The following PPP2R2B variants were observed in gnomAD, a reference collection of about 807,000 sequenced individuals.
The protein encoded by PPP2R2B is protein phosphatase 2 regulatory subunit Bbeta.
Under a neutral mutation model 46.0 loss-of-function variants are expected in PPP2R2B, and 5 were observed. That is an observed-to-expected ratio of 0.11 (90% CI 0.06 to 0.23). The LOEUF (loss-of-function observed/expected upper bound fraction) is 0.23, where lower values mean the gene tolerates loss of function less well. PPP2R2B is among the 10% of genes least tolerant of loss of function. The probability of loss-of-function intolerance (pLI) is 1.00; values close to 1 mark genes in which losing one functional copy is unlikely to be tolerated. For missense variants in PPP2R2B, 367 were observed against 575.0 expected (o/e 0.64, Z 3.70); for synonymous variants, 215 against 206.7 (o/e 1.04, Z -0.34).
intron 7 of PPP2R2B, among the ~76,000 whole-genome samples, chr5:146,605,567 T>C (rs1772185819): frequency 6.6e-6 from 1 of 152,224 alleles, no homozygotes; most frequent in African/African-American, 2.4e-5. Context: ...CATTATAGAA[T>C]GTTCAGCAAC....
At chr5:146,838,478 G>A (rs1162891927) in intron 2 of PPP2R2B, among the ~76,000 whole-genome samples, 1 of 151,694 alleles carries the variant, frequency 6.6e-6, no homozygotes, top group African/African-American at 2.4e-5. Context: ...GGCTGAGGCA[G>A]GAGAATCACT....
intron 5 of PPP2R2B, among the ~76,000 whole-genome samples, chr5:146,678,561 G>C (rs1432869472): frequency 7.5e-6 from 1 of 133,072 alleles, no homozygotes; most frequent in Non-Finnish European, 1.5e-5. Flanking sequence ...GGCAGGAGAA[G>C]GAAATAAAGG....
At chr5:146,636,684 A>AAT (rs1463276530) in intron 7 of PPP2R2B, among the ~76,000 whole-genome samples, 1 of 152,230 alleles carries the variant, frequency 6.6e-6, no homozygotes, top group Non-Finnish European at 1.5e-5. Context: ...GACTCTGGGT[A>AAT]TAATATAAGT....
intron 1 of PPP2R2B, among the ~76,000 whole-genome samples, chr5:146,992,645 G>A (rs1281871297): frequency 6.6e-6 from 1 of 152,206 alleles, no homozygotes; most frequent in Admixed American, 6.5e-5. Context: ...TCATCCTCAT[G>A]TGGTTTACAC....
At chr5:146,709,373 A>G (rs941603343) in intron 2 of PPP2R2B, among the ~76,000 whole-genome samples, 4 of 151,528 alleles carry the variant, frequency 2.6e-5, no homozygotes, top group Non-Finnish European at 4.4e-5. Context: ...TTGGTTGGCT[A>G]CTCCTACTCA....
intron 9 of PPP2R2B, chr5:146,592,126 G>A: frequency 2.2e-6 from 1 of 445,646 alleles, no homozygotes; most frequent in South Asian, 1.6e-5. Context: ...CAGTTGCTTT[G>A]CTCTCTGTCC....
At chr5:146,984,031 C>T (rs1475999951) in intron 1 of PPP2R2B, among the ~76,000 whole-genome samples, 1 of 151,982 alleles carries the variant, frequency 6.6e-6, no homozygotes, top group Non-Finnish European at 1.5e-5. Context: ...CAATATAGAA[C>T]AATTAAATCA....
chr5:146,789,900 G>C (rs546624037), intron 2 of PPP2R2B, among the ~76,000 whole-genome samples: 1 of 152,288 alleles, frequency 6.6e-6, no homozygotes, highest in African/African-American at 2.4e-5. Flanking sequence ...AGATGGTCAG[G>C]CAGGCAGGGG....
At chr5:146,882,804 G>C (rs1041644912), upstream of PPP2R2B, among the ~76,000 whole-genome samples, 3 of 152,216 alleles carry the variant, frequency 2.0e-5, no homozygotes, top group Non-Finnish European at 4.4e-5. Flanking sequence ...AGTCTTCAAA[G>C]GGGGCAGCAG....
chr5:147,080,881 T>C (rs1757950290), intron 2 of PPP2R2B, among the ~76,000 whole-genome samples: 1 of 151,946 alleles, frequency 6.6e-6, no homozygotes, highest in African/African-American at 2.4e-5. Context: ...ATAAAATAAA[T>C]TTCAACAGAA....
chr5:146,827,536 T>G (rs1758657307), intron 2 of PPP2R2B, among the ~76,000 whole-genome samples: 1 of 152,214 alleles, frequency 6.6e-6, no homozygotes, highest in Non-Finnish European at 1.5e-5. Context: ...CAAGCTGCCT[T>G]AACTCCATTT....
At chr5:146,736,661 A>T (rs1327272014) in intron 2 of PPP2R2B, among the ~76,000 whole-genome samples, 1 of 152,142 alleles carries the variant, frequency 6.6e-6, no homozygotes, top group Non-Finnish European at 1.5e-5. Flanking sequence ...AGGTGTGTAC[A>T]TGGGTACATC....
In PPP2R2B at chr5:146,584,993, A is replaced by C. The variant is rs1475452847; in HGVS notation, c.*4954T>G. 2.0e-5 allele frequency: 3 copies of C among 152,186 alleles called. No individual in the cohort carries two copies. The East Asian group carries it at 5.8e-4, about 29-fold the overall frequency. The allele number at this position is 152,186 out of a possible 1,614,324, so 9.4% of individuals were successfully genotyped here. On this transcript the variant is annotated 3_prime_UTR_variant, in exon 10 of 10. Transcript: ENST00000394411. ...ACCTTTTCTTATCACTCATTGATTA[A>C]CTATTTCTTCCTCTGTATGACTTCT...
chr5:146,760,691 G>T (rs1754106395), intron 2 of PPP2R2B, among the ~76,000 whole-genome samples: 1 of 152,184 alleles, frequency 6.6e-6, no homozygotes, highest in African/African-American at 2.4e-5. Flanking sequence ...CTGTGATTTT[G>T]TGGGTGAGGG....
At chr5:147,016,262 G>A (rs1033494851) in intron 1 of PPP2R2B, among the ~76,000 whole-genome samples, 1 of 151,108 alleles carries the variant, frequency 6.6e-6, no homozygotes, top group Admixed American at 6.6e-5. Flanking sequence ...GTGAACCCAG[G>A]ACTTCGCGGT....
rs540831204 is a variant in PPP2R2B, at chr5:147,017,425, C to G, written c.79+38240G>C. Among the ~76,000 whole-genome samples, 3 of 151,546 alleles carry G rather than the reference C, an allele frequency of 2.0e-5. 1 individual carries two copies. In the East Asian group the frequency reaches 6.3e-4, roughly 32 times the overall value. ...ACCTTAGGGGAGGGAGAGATTCGAG[C>G]TGGAGATAACATTTGTTATCATTAG... On this transcript the variant is annotated intron_variant, in intron 1 of 8. Coordinates refer to the PPP2R2B transcript ENST00000336640.
chr5:146,963,415 T>C (rs893084598), intron 1 of PPP2R2B, among the ~76,000 whole-genome samples: 1 of 152,186 alleles, frequency 6.6e-6, no homozygotes, highest in Non-Finnish European at 1.5e-5. Flanking sequence ...TTTCCCCTTC[T>C]CCTGTCTTGC....
intron 1 of PPP2R2B, among the ~76,000 whole-genome samples, chr5:146,892,043 G>A (rs1762506635): frequency 6.6e-6 from 1 of 152,194 alleles, no homozygotes; most frequent in South Asian, 2.1e-4. Flanking sequence ...CAGACTGTCA[G>A]TCATGCCATT....
At chr5:146,736,657 G>A (rs1053013952) in intron 2 of PPP2R2B, among the ~76,000 whole-genome samples, 2 of 152,152 alleles carry the variant, frequency 1.3e-5, no homozygotes, top group African/African-American at 4.8e-5. Context: ...TCCTAGGTGT[G>A]TACATGGGTA....
Sources: gnomAD v4.1 joint callset for allele counts (sites outside exome capture counted in the v4.1 genomes callset) on GRCh38, gnomAD v4.1.1 for gene constraint, MANE v1.5 for transcripts, NCBI Gene and HGNC (gene_info 2026-07-23, HGNC 2026-07-21) for gene names.